The following PLEKHD1 variants were observed in gnomAD, a reference collection of about 807,000 sequenced individuals.
PLEKHD1 encodes pleckstrin homology and coiled-coil domain containing D1.
In PLEKHD1, 51 loss-of-function variants were observed where a neutral mutation model predicts 69.2. The ratio of observed to expected loss-of-function variants is 0.74; its 90% CI spans 0.59 to 0.93. The LOEUF is 0.93. PLEKHD1 is among the 40% of genes least tolerant of loss of function. PLEKHD1 has a pLI of 0.00. For missense variants in PLEKHD1, 584 were observed against 641.0 expected (o/e 0.91, Z 0.96); for synonymous variants, 236 against 244.7 (o/e 0.96, Z 0.33).
At chr14:69,518,825 G>A (rs1883444546) in intron 6 of PLEKHD1, among the ~76,000 whole-genome samples, 1 of 152,182 alleles carries the variant, frequency 6.6e-6, no homozygotes, top group Non-Finnish European at 1.5e-5. Context: ...TGGCTCAAGT[G>A]GAGCTGGTGG....
At chr14:69,488,441 C>T (rs1303343172) in intron 1 of PLEKHD1, among the ~76,000 whole-genome samples, 1 of 152,200 alleles carries the variant, frequency 6.6e-6, no homozygotes, top group Non-Finnish European at 1.5e-5. Flanking sequence ...GGGGTTTGGT[C>T]TCACTTTCTG....
At position 69,524,361 on chromosome 14, in the gene PLEKHD1, G is replaced by A. The variant is rs772439619; in HGVS notation, c.744+39G>A. On this transcript the variant is annotated intron_variant, in intron 8 of 12. Coordinates refer to ENST00000322564, the MANE Select transcript of PLEKHD1 (RefSeq NM_001161498.2). ...GGTGGGTTAGTTGACCAGGTGGCAG[G>A]CTGGTTGGTTGGACCACATGACACT... 2.0e-6 allele frequency: 3 copies of A among 1,511,682 alleles called. No homozygotes were observed. In the East Asian group the frequency reaches 7.4e-5, roughly 37 times the overall value. 93.6% of individuals were successfully genotyped at this position (1,511,682 alleles called of 1,614,324 possible).
In PLEKHD1 at chr14:69,485,028, C is replaced by A. The variant is rs763965589; in HGVS notation, c.63C>A (p.Asp21Glu). The change falls in exon 1 of 13, where the codon GAC becomes GAA. Residue 21 changes from aspartate (D) to glutamate (E), a missense_variant. Physicochemically the swap from Asp to Glu is conservative, Grantham distance 45. Transcript: ENST00000322564. ...CGTCCCTGGAGCAGGCTGACTCGGA[C>A]GCCCTGGATATCAGCACCAAAGTGC... ...PSPSLEQADS[D>E]ALDISTKVQL... The A allele has an allele frequency of 1.5e-5, 23 of 1,551,282 alleles. No individual in the cohort carries two copies. Among genetic ancestry groups the A allele is most frequent in the Non-Finnish European group, 2.0e-5 (23 of 1,146,904 alleles).
upstream of PLEKHD1, among the ~76,000 whole-genome samples, chr14:69,484,530 G>A (rs1389865296): frequency 1.3e-5 from 2 of 152,112 alleles, no homozygotes; most frequent in Non-Finnish European, 2.9e-5. Flanking sequence ...CGACCCGCAG[G>A]GACCTTCTGG....
At position 69,530,383 on chromosome 14, in the gene PLEKHD1, C is replaced by T. The variant is rs372489640; in HGVS notation, c.*1964C>T. Reference sequence around the variant, plus strand: ...GACAGGGCTGAGCCTAAATGTAAAACTTTAAACGTGTATAACATGCATAAA... The same window carrying T: ...GACAGGGCTGAGCCTAAATGTAAAATTTTAAACGTGTATAACATGCATAAA... On this transcript the variant is annotated 3_prime_UTR_variant, in exon 13 of 13. Coordinates refer to ENST00000322564, the MANE Select transcript of PLEKHD1 (RefSeq NM_001161498.2). 2.0e-5 allele frequency: 3 copies of T among 152,296 alleles called. No homozygotes were observed. The highest frequency in any genetic ancestry group is 6.5e-5 in the Admixed American group (1 of 15,298). The allele number at this position is 152,296 out of a possible 1,614,324, so 9.4% of individuals were successfully genotyped here.
At chr14:69,498,662 T>TCTTC (rs1566557403) in intron 1 of PLEKHD1, among the ~76,000 whole-genome samples, 14 of 135,246 alleles carry the variant, frequency 1.0e-4, no homozygotes, top group South Asian at 4.7e-4. Context: ...TCTTCTCTTC[T>TCTTC]TTGAGATGGA....
At position 69,490,257 on chromosome 14, in the gene PLEKHD1, G is replaced by C. The variant is rs535242548; in HGVS notation, c.149+5143G>C. Among the ~76,000 whole-genome samples, 5 of 152,294 alleles carry C rather than the reference G, an allele frequency of 3.3e-5. No homozygotes were observed. The South Asian group carries it at 1.0e-3, about 32-fold the overall frequency. On this transcript the variant is annotated intron_variant, in intron 1 of 12. Transcript: ENST00000322564. ...TTTTCCAAGGACAGGGGTGGGTGTG[G>C]GGGTGGTTTCATCAGGCATTAGATT... is the stretch of plus-strand genomic sequence containing the variant.
rs746513911 is a variant in PLEKHD1, at chr14:69,527,776, G to T, written c.1202-7G>T. On this transcript the variant is annotated splice_polypyrimidine_tract_variant and splice_region_variant and intron_variant, in intron 11 of 12. Coordinates refer to ENST00000322564, the MANE Select transcript of PLEKHD1 (RefSeq NM_001161498.2). ...GAACCCCACCCTTCCTGGCCCTGCC[G>T]CCACAGGGTTCTTTGAGGAGTGCAT... is the stretch of plus-strand genomic sequence containing the variant. 4.5e-6 allele frequency: 7 copies of T among 1,551,392 alleles called. No homozygotes were observed. The highest frequency in any genetic ancestry group is 6.1e-6 in the Non-Finnish European group (7 of 1,146,986).
chr14:69,489,201 A>G (rs1275721), intron 1 of PLEKHD1, among the ~76,000 whole-genome samples: 8,017 of 152,278 alleles, frequency 0.053, 694 homozygotes, highest in African/African-American at 0.18. Flanking sequence ...CAGAGAGTTC[A>G]GCTTCCTTGT....
chr14:69,527,992 T>C, intron 12 of PLEKHD1, 60 bp downstream of exon 12: 2 of 1,547,378 alleles, frequency 1.3e-6, no homozygotes, highest in Non-Finnish European at 1.7e-6. Context: ...GAGGGCAACA[T>C]GGGGAGCCAG....
intron 6 of PLEKHD1, among the ~76,000 whole-genome samples, chr14:69,517,003 C>A (rs1210009554): frequency 6.6e-6 from 1 of 152,088 alleles, no homozygotes; most frequent in African/African-American, 2.4e-5. Context: ...AGGATGAAGG[C>A]GGGCCAGAAA....
chr14:69,513,472 G>A (rs1015177945), intron 6 of PLEKHD1, among the ~76,000 whole-genome samples: 4 of 152,140 alleles, frequency 2.6e-5, no homozygotes, highest in East Asian at 1.9e-4. Flanking sequence ...TTATTTGAAC[G>A]CAGTTTGGAC....
At chr14:69,504,150 G>A (rs1883099712) in intron 6 of PLEKHD1, among the ~76,000 whole-genome samples, 1 of 152,172 alleles carries the variant, frequency 6.6e-6, no homozygotes, top group South Asian at 2.1e-4. Context: ...AAAGTGTTTG[G>A]CACATAGTAC....
the PLEKHD1 span, among the ~76,000 whole-genome samples, chr14:69,472,529 C>G: frequency 6.6e-6 from 1 of 152,226 alleles, no homozygotes; most frequent in Non-Finnish European, 1.5e-5. Flanking sequence ...AGCCATGCAA[C>G]ACAGAGCAAT....
intron 1 of PLEKHD1, among the ~76,000 whole-genome samples, chr14:69,494,920 C>A (rs899323503): frequency 2.6e-5 from 4 of 152,142 alleles, no homozygotes; most frequent in Non-Finnish European, 1.5e-5. Context: ...CCAGGTGAGC[C>A]CTCCGTTGGG....
intron 1 of PLEKHD1, among the ~76,000 whole-genome samples, chr14:69,498,106 A>ATTTTATTTTATTTTATTTTATTTTATTTT (rs1491301174): frequency 7.8e-5 from 11 of 141,460 alleles, no homozygotes; most frequent in Admixed American, 1.4e-4. Flanking sequence ...ATTTTATTTT[A>ATTTTATTTTATTTTATTTTATTTTATTTT]GAGAGTCTTG....
chr14:69,507,106 G>T (rs1414673327), intron 6 of PLEKHD1, among the ~76,000 whole-genome samples: 2 of 151,940 alleles, frequency 1.3e-5, no homozygotes, highest in Admixed American at 1.3e-4. Flanking sequence ...TAGCCAGGAT[G>T]GCCTCGAACT....
the PLEKHD1 span, among the ~76,000 whole-genome samples, chr14:69,478,456 T>C: frequency 6.6e-6 from 1 of 152,214 alleles, no homozygotes; most frequent in Non-Finnish European, 1.5e-5. Flanking sequence ...TCTATCACAT[T>C]ATCAGGCTGC....
rs189625223 is a variant in PLEKHD1 at position 69,520,804 on chromosome 14, C to T, written c.556-1479C>T. On this transcript the variant is annotated intron_variant, in intron 6 of 12. Coordinates refer to ENST00000322564, the MANE Select transcript of PLEKHD1 (RefSeq NM_001161498.2). Reference sequence around the variant, plus strand: ...GTATCTTGTATATAGACACTGGTTGCCATGGCAGGGGGAAGGGAACGTAGC... The same window carrying T: ...GTATCTTGTATATAGACACTGGTTGTCATGGCAGGGGGAAGGGAACGTAGC... 7.9e-4 allele frequency among the ~76,000 whole-genome samples: 120 copies of T among 152,326 alleles called. 2 individuals carry two copies. Among genetic ancestry groups the T allele is most frequent in the Non-Finnish European group, 3.8e-4 (26 of 68,022 alleles).
Sources: gnomAD v4.1 joint callset for allele counts (sites outside exome capture counted in the v4.1 genomes callset) on GRCh38, gnomAD v4.1.1 for gene constraint, MANE v1.5 for transcripts, NCBI Gene and HGNC (gene_info 2026-07-23, HGNC 2026-07-21) for gene names.